The following ADAM18 variants were observed in gnomAD, a reference collection of about 807,000 sequenced individuals.
ADAM18 encodes the protein disintegrin and metalloproteinase domain-containing protein 18.
A neutral mutation model predicts 94.4 loss-of-function variants in ADAM18; 117 were observed. The observed-to-expected ratio is 1.24, with a 90% confidence interval of 1.07 to 1.45. ADAM18 has a LOEUF of 1.45. Among genes scored for constraint, ADAM18 ranks in the 40% most tolerant of loss-of-function variants. The pLI is 0.00. For synonymous variants in ADAM18, 327 were observed against 291.6 expected (o/e 1.12, Z -1.24); for missense variants, 936 against 880.0 (o/e 1.06, Z -0.81).
chr8:39,617,787 C>T (rs1375354666), intron 6 of ADAM18, among the ~76,000 whole-genome samples: 1 of 151,862 alleles, frequency 6.6e-6, no homozygotes, highest in East Asian at 1.9e-4. Context: ...AGGTAAACAT[C>T]GAGTACACAT....
chr8:39,656,714 T>C (rs527613206), intron 12 of ADAM18, among the ~76,000 whole-genome samples: 52 of 152,244 alleles, frequency 3.4e-4, no homozygotes, highest in African/African-American at 1.2e-3. Flanking sequence ...AGAATACATA[T>C]AAATCAATAA....
chr8:39,590,899 C>T (rs935290058), intron 2 of ADAM18, among the ~76,000 whole-genome samples: 3 of 152,044 alleles, frequency 2.0e-5, no homozygotes, highest in African/African-American at 7.2e-5. Flanking sequence ...TATTATTGTT[C>T]AAAACTGAAA....
At chr8:39,644,487 T>C (rs1404615216) in intron 10 of ADAM18, among the ~76,000 whole-genome samples, 2 of 152,110 alleles carry the variant, frequency 1.3e-5, no homozygotes, top group Non-Finnish European at 2.9e-5. Context: ...GGAGTCTCAC[T>C]ATGTTGCCCA....
At chr8:39,620,741 T>G (rs1819592109) in intron 6 of ADAM18, among the ~76,000 whole-genome samples, 1 of 151,416 alleles carries the variant, frequency 6.6e-6, no homozygotes, top group East Asian at 1.9e-4. Context: ...GAGGCCTTTA[T>G]CTTAAATGAG....
chr8:39,631,058 A>G (rs1257367951), intron 7 of ADAM18, among the ~76,000 whole-genome samples: 1 of 151,814 alleles, frequency 6.6e-6, no homozygotes, highest in Non-Finnish European at 1.5e-5. Context: ...ACCCATTTTA[A>G]TAGTTTCCTT....
rs1359811805 is a variant in ADAM18, at chr8:39,637,799, C to T, written c.827+96C>T. 4 of 1,208,094 alleles carry T rather than the reference C, an allele frequency of 3.3e-6. No individual in the cohort carries two copies. The East Asian group carries it at 1.1e-4, about 34-fold the overall frequency. The allele number at this position is 1,208,094 out of a possible 1,614,324, so 74.8% of individuals were successfully genotyped here. On this transcript the variant is annotated intron_variant, in intron 9 of 19. Coordinates refer to ENST00000265707, the MANE Select transcript of ADAM18 (RefSeq NM_014237.3). Reference sequence around the variant, plus strand: ...TTGCGTTCTTCAGTTTTTTGTAAGCCCCTTTGGAAGTGTTTAAAAATTAGT... The same window carrying T: ...TTGCGTTCTTCAGTTTTTTGTAAGCTCCTTTGGAAGTGTTTAAAAATTAGT...
chr8:39,585,416 A>G (rs1818369229), intron 2 of ADAM18, 64 bp downstream of exon 2: 3 of 1,154,542 alleles, frequency 2.6e-6, no homozygotes, highest in East Asian at 2.4e-5. Flanking sequence ...TTACCCTTAT[A>G]TTAAGTCAGA....
intron 2 of ADAM18, among the ~76,000 whole-genome samples, chr8:39,598,558 A>G (rs1293378369): frequency 1.3e-5 from 2 of 152,044 alleles, no homozygotes; most frequent in South Asian, 2.1e-4. Context: ...ATCTGAGGCT[A>G]GGAGTTCGAG....
intron 19 of ADAM18, among the ~76,000 whole-genome samples, chr8:39,727,445 T>G (rs1822948582): frequency 6.6e-6 from 1 of 152,208 alleles, no homozygotes; most frequent in Non-Finnish European, 1.5e-5. Context: ...GATTATGGAT[T>G]GTTAGAAGCA....
At chr8:39,633,422 T>C (rs1004671746) in intron 7 of ADAM18, among the ~76,000 whole-genome samples, 2 of 152,186 alleles carry the variant, frequency 1.3e-5, no homozygotes, top group East Asian at 3.8e-4. Flanking sequence ...GTTGTGAATC[T>C]TTTTAGAGAT....
At chr8:39,726,290 G>GTATATATATAA (rs1822908707) in intron 19 of ADAM18, among the ~76,000 whole-genome samples, 1 of 150,944 alleles carries the variant, frequency 6.6e-6, no homozygotes, top group Non-Finnish European at 1.5e-5. Context: ...GTGTGTGTGT[G>GTATATATATAA]TGTGTATATA....
At chr8:39,684,915 T>C (rs1401416026) in intron 16 of ADAM18, among the ~76,000 whole-genome samples, 1 of 152,146 alleles carries the variant, frequency 6.6e-6, no homozygotes, top group African/African-American at 2.4e-5. Context: ...TGAAACTCCC[T>C]GTTCTGTTCT....
intron 18 of ADAM18, among the ~76,000 whole-genome samples, chr8:39,718,988 A>G (rs1335799855): frequency 6.6e-6 from 1 of 151,346 alleles, no homozygotes; most frequent in African/African-American, 2.4e-5. Context: ...GAAGGTGATA[A>G]GCTGATTGTA....
At position 39,596,140 on chromosome 8, in the gene ADAM18, C is replaced by T. The variant is rs190885119; in HGVS notation, c.133-10167C>T. 7.2e-5 allele frequency among the ~76,000 whole-genome samples: 11 copies of T among 152,252 alleles called. No homozygotes were observed. The East Asian group carries it at 1.2e-3, about 16-fold the overall frequency. On this transcript the variant is annotated intron_variant, in intron 2 of 19. Coordinates refer to ENST00000265707, the MANE Select transcript of ADAM18 (RefSeq NM_014237.3). ...CACTGTCCTTATGGATGTGCGGCCTCGCTGACTATCAGATCTCAGATGTTT... is the reference window on the plus strand; with the variant it reads ...CACTGTCCTTATGGATGTGCGGCCTTGCTGACTATCAGATCTCAGATGTTT...
chr8:39,634,785 C>T (rs1820033427), intron 7 of ADAM18, among the ~76,000 whole-genome samples: 1 of 152,086 alleles, frequency 6.6e-6, no homozygotes, highest in South Asian at 2.1e-4. Flanking sequence ...GAGTCTTACT[C>T]ATATAATGTT....
intron 10 of ADAM18, among the ~76,000 whole-genome samples, chr8:39,641,085 A>G (rs913128278): frequency 6.6e-6 from 1 of 152,060 alleles, no homozygotes; most frequent in African/African-American, 2.4e-5. Flanking sequence ...ATCATTGCCC[A>G]TGTCTATGTC....
At chr8:39,683,665 T>C (rs910128320) in intron 16 of ADAM18, among the ~76,000 whole-genome samples, 1 of 152,214 alleles carries the variant, frequency 6.6e-6, no homozygotes, top group Non-Finnish European at 1.5e-5. Flanking sequence ...TTATATTCAG[T>C]ATTTTCCATG....
chr8:39,593,220 G>C (rs1035079503), intron 2 of ADAM18, among the ~76,000 whole-genome samples: 1 of 152,094 alleles, frequency 6.6e-6, no homozygotes, highest in Non-Finnish European at 1.5e-5. Flanking sequence ...CTATCCAGAC[G>C]ATGAAACCTT....
At chr8:39,697,806 A>G (rs1821966713) in intron 17 of ADAM18, among the ~76,000 whole-genome samples, 1 of 151,756 alleles carries the variant, frequency 6.6e-6, no homozygotes, top group African/African-American at 2.4e-5. Flanking sequence ...ATTGACTTAC[A>G]TGATCTCTTC....
Sources: gnomAD v4.1 joint callset for allele counts (sites outside exome capture counted in the v4.1 genomes callset) on GRCh38, gnomAD v4.1.1 for gene constraint, MANE v1.5 for transcripts, NCBI Gene and HGNC (gene_info 2026-07-23, HGNC 2026-07-21) for gene names.